The following CFAP69 variants were observed in gnomAD, a reference collection of about 807,000 sequenced individuals.
CFAP69 encodes cilia- and flagella-associated protein 69.
A neutral mutation model predicts 123.0 loss-of-function variants in CFAP69; 92 were observed. The observed-to-expected ratio is 0.75, with a 90% CI of 0.63 to 0.89. The LOEUF (loss-of-function observed/expected upper bound fraction) is 0.89, where lower values mean the gene tolerates loss of function less well. CFAP69 is among the 40% of genes least tolerant of loss of function. CFAP69 has a pLI of 0.00. For missense variants in CFAP69, 1,067 were observed against 1,096.9 expected (o/e 0.97, Z 0.39); for synonymous variants, 380 against 364.3 (o/e 1.04, Z -0.49).
At chr7:90,275,859 C>T (rs1160708514) in intron 9 of CFAP69, among the ~76,000 whole-genome samples, 1 of 152,060 alleles carries the variant, frequency 6.6e-6, no homozygotes, top group African/African-American at 2.4e-5. Flanking sequence ...GCCTTGGCCT[C>T]CCAAAGTGCT....
chr7:90,245,177 A>C lies in CFAP69; in HGVS notation c.-248A>C, dbSNP rs1796180018. 2 of 387,370 alleles carry C rather than the reference A, an allele frequency of 5.2e-6. No individual in the cohort carries two copies. The highest frequency in any genetic ancestry group is 8.3e-5 in the East Asian group (2 of 24,160). 24.0% of individuals were successfully genotyped at this position (387,370 alleles called of 1,614,324 possible). ...GTAGCCTCTGGCCCCGCCCCCTAGC[A>C]ACGCGCTGGCTTGTGTTAACAACCG... On this transcript the variant is annotated 5_prime_UTR_variant, in exon 1 of 23. Coordinates refer to ENST00000389297, the MANE Select transcript of CFAP69 (RefSeq NM_001039706.3).
At chr7:90,261,025 A>G (rs774678002) in intron 3 of CFAP69, among the ~76,000 whole-genome samples, 1 of 152,108 alleles carries the variant, frequency 6.6e-6, no homozygotes, top group African/African-American at 2.4e-5. Context: ...AGTCACATCT[A>G]CCATAATTTC....
chr7:90,247,569 C>T (rs1235038196), intron 1 of CFAP69, among the ~76,000 whole-genome samples: 5 of 152,028 alleles, frequency 3.3e-5, no homozygotes, highest in Non-Finnish European at 4.4e-5. Context: ...ATATATAGGC[C>T]GGGTGTGGTG....
In CFAP69 at chr7:90,304,822, T is replaced by C; in HGVS notation, c.2265+2T>C. 1.4e-6 allele frequency: 2 copies of C among 1,438,146 alleles called. No individual in the cohort carries two copies. The highest frequency in any genetic ancestry group is 1.9e-6 in the Non-Finnish European group (2 of 1,035,706). 89.1% of individuals were successfully genotyped at this position (1,438,146 alleles called of 1,614,324 possible). ...ATACATAGATATCTTGATTTTAAAG[T>C]AAGTATCTTTTTAATAACCTGATTA... On this transcript the variant is annotated splice_donor_variant, in intron 19 of 22. Coordinates refer to ENST00000389297, the MANE Select transcript of CFAP69 (RefSeq NM_001039706.3). LOFTEE classifies it high-confidence loss of function.
At chr7:90,306,665 A>G (rs551225372) in intron 19 of CFAP69, among the ~76,000 whole-genome samples, 2 of 152,346 alleles carry the variant, frequency 1.3e-5, no homozygotes, top group African/African-American at 4.8e-5. Context: ...GGAACTAGGC[A>G]TAGGAGAGCC....
At chr7:90,298,489 C>T (rs1019250603) in intron 16 of CFAP69, among the ~76,000 whole-genome samples, 2 of 152,110 alleles carry the variant, frequency 1.3e-5, no homozygotes, top group Admixed American at 1.3e-4. Context: ...AGAGTTCTAG[C>T]CCGCTCCCTG....
At chr7:90,276,066 C>T (rs1232337437) in intron 9 of CFAP69, 1 of 152,112 alleles carries the variant, frequency 6.6e-6, no homozygotes, top group Non-Finnish European at 1.5e-5. Flanking sequence ...AGAAGCTGAG[C>T]CTTCACATAT....
intron 6 of CFAP69, 124 bp downstream of exon 6, chr7:90,268,508 T>G (rs1584385130): frequency 3.0e-6 from 2 of 655,812 alleles, no homozygotes; most frequent in East Asian, 3.1e-5. Flanking sequence ...AGAAAACTTT[T>G]TTGTAGTCTT....
downstream of CFAP69, among the ~76,000 whole-genome samples, chr7:90,313,729 G>A (rs1005302797): frequency 6.6e-6 from 1 of 152,110 alleles, no homozygotes; most frequent in Admixed American, 6.5e-5. Context: ...AAGGAAGGGA[G>A]AGAGAAAGTG....
chr7:90,253,153 A>G (rs1302108004), intron 1 of CFAP69, among the ~76,000 whole-genome samples: 1 of 152,240 alleles, frequency 6.6e-6, no homozygotes, highest in African/African-American at 2.4e-5. Context: ...AGCAGGAAAG[A>G]GGATACAAAG....
chr7:90,298,343 G>C (rs889231838), intron 16 of CFAP69, among the ~76,000 whole-genome samples: 61 of 152,146 alleles, frequency 4.0e-4, no homozygotes, highest in African/African-American at 1.5e-3. Flanking sequence ...CCTTCCAATA[G>C]AGACAGTGCC....
chr7:90,319,826 T>C, the CFAP69 span: 4 of 397,654 alleles, frequency 1.0e-5, no homozygotes, highest in Non-Finnish European at 1.8e-5. Flanking sequence ...TAAAAAACTG[T>C]AAGTACACAT....
rs10273503 is a variant in CFAP69 at position 90,295,215 on chromosome 7, A to G, written c.1776-2534A>G. Among the ~76,000 whole-genome samples the G allele has an allele frequency of 5.9e-3, 892 of 152,308 alleles. 15 individuals carry two copies. The highest frequency in any genetic ancestry group is 0.02 in the African/African-American group (843 of 41,570). ...ATAGTGCCAAACCCATTCTTAGCCAAAAGGGACTTTACTGAGAGGGGCCTC... is the reference window on the plus strand; with the variant it reads ...ATAGTGCCAAACCCATTCTTAGCCAGAAGGGACTTTACTGAGAGGGGCCTC... On this transcript the variant is annotated intron_variant, in intron 15 of 22. Coordinates refer to ENST00000389297, the MANE Select transcript of CFAP69 (RefSeq NM_001039706.3).
intron 5 of CFAP69, among the ~76,000 whole-genome samples, chr7:90,265,861 A>G (rs1799085657): frequency 6.6e-6 from 1 of 152,186 alleles, no homozygotes; most frequent in South Asian, 2.1e-4. Flanking sequence ...TTGTACACAA[A>G]AATATGAAAA....
At chr7:90,282,610 G>A (rs1789654208) in intron 12 of CFAP69, among the ~76,000 whole-genome samples, 1 of 152,042 alleles carries the variant, frequency 6.6e-6, no homozygotes, top group South Asian at 2.1e-4. Flanking sequence ...ATCTACTTGT[G>A]ACAATGTGAA....
At chr7:90,287,085 GAAAAA>G (rs34727700) in intron 14 of CFAP69, among the ~76,000 whole-genome samples, 1 of 107,302 alleles carries the variant, frequency 9.3e-6, no homozygotes. Flanking sequence ...GACTCCATCT[GAAAAA>G]AAAAAAAAAA....
At chr7:90,249,433 A>G (rs1468085449) in intron 1 of CFAP69, among the ~76,000 whole-genome samples, 1 of 152,106 alleles carries the variant, frequency 6.6e-6, no homozygotes, top group African/African-American at 2.4e-5. Flanking sequence ...AGACTAATAC[A>G]CTGGGTATCA....
intron 4 of CFAP69, among the ~76,000 whole-genome samples, chr7:90,264,895 G>A (rs1798925732): frequency 6.6e-6 from 1 of 152,026 alleles, no homozygotes; most frequent in African/African-American, 2.4e-5. Flanking sequence ...CAGGATTCTA[G>A]CGATTCTCCT....
intron 3 of CFAP69, 26 bp downstream of exon 3, chr7:90,258,189 T>C (rs1185803926): frequency 7.1e-7 from 1 of 1,418,402 alleles, no homozygotes. Flanking sequence ...ATATGTATGT[T>C]CATTTCATTT....
Sources: gnomAD v4.1 joint callset for allele counts (sites outside exome capture counted in the v4.1 genomes callset) on GRCh38, gnomAD v4.1.1 for gene constraint, MANE v1.5 for transcripts, NCBI Gene and HGNC (gene_info 2026-07-23, HGNC 2026-07-21) for gene names.